The following MCC variants were observed in gnomAD, a reference collection of about 807,000 sequenced individuals.
The protein encoded by MCC is colorectal mutant cancer protein.
MCC carries 90 observed loss-of-function variants against 116.2 expected under a neutral mutation model. That is an observed-to-expected ratio of 0.77 (90% confidence interval 0.65 to 0.92). The LOEUF is 0.92. MCC is among the 40% of genes least tolerant of loss of function. MCC has a pLI of 0.00. For synonymous variants in MCC, 578 were observed against 510.5 expected (o/e 1.13, Z -1.78); for missense variants, 1,516 against 1,312.2 (o/e 1.16, Z -2.40).
At position 113,042,421 on chromosome 5, in the gene MCC, G is replaced by C. The variant is rs567768405; in HGVS notation, c.2756+1109C>G. 2.5e-3 allele frequency among the ~76,000 whole-genome samples: 350 copies of C among 142,292 alleles called. 1 individual carries two copies. Among genetic ancestry groups the C allele is most frequent in the Non-Finnish European group, 4.0e-3 (269 of 66,736 alleles). 93.3% of individuals were successfully genotyped at this position (142,292 alleles called of 152,430 possible). A position where few individuals can be genotyped will look rare whatever the true frequency, so the allele number is the denominator to read the frequency against. The stretch of plus-strand genomic sequence containing the variant: ...GCCCAGGAGATTGAGGCTGCAGTGA[G>C]CTGTGATTGTGTCACTGCACTCCAG... On this transcript the variant is annotated intron_variant, in intron 17 of 18. Coordinates refer to ENST00000408903, the MANE Select transcript of MCC (RefSeq NM_001085377.2).
chr5:113,252,872 A>C (rs980842190), intron 3 of MCC, among the ~76,000 whole-genome samples: 5 of 152,248 alleles, frequency 3.3e-5, no homozygotes, highest in African/African-American at 1.2e-4. Flanking sequence ...TGTATATGTC[A>C]TAACCTCTCT....
At chr5:113,330,382 C>G (rs1283677543) in intron 3 of MCC, among the ~76,000 whole-genome samples, 1 of 152,080 alleles carries the variant, frequency 6.6e-6, no homozygotes, top group African/African-American at 2.4e-5. Context: ...TACCTTTTTT[C>G]TCCCTCATTC....
At chr5:113,439,877 T>G (rs1472200411) in intron 1 of MCC, among the ~76,000 whole-genome samples, 1 of 152,194 alleles carries the variant, frequency 6.6e-6, no homozygotes, top group Non-Finnish European at 1.5e-5. Flanking sequence ...TTTTATTTTA[T>G]TTTTACAGAC....
chr5:113,354,628 T>G (rs1768365013), intron 2 of MCC, among the ~76,000 whole-genome samples: 1 of 151,798 alleles, frequency 6.6e-6, no homozygotes, highest in Middle Eastern at 3.4e-3. Flanking sequence ...AGAGACGGGG[T>G]TTCACCATGT....
At chr5:113,458,942 T>C (rs551173009) in intron 1 of MCC, among the ~76,000 whole-genome samples, 1 of 152,160 alleles carries the variant, frequency 6.6e-6, no homozygotes, top group East Asian at 1.9e-4. Context: ...CTCAGCAAAG[T>C]GGAACTGATA....
intron 3 of MCC, among the ~76,000 whole-genome samples, chr5:113,213,828 T>G (rs1181922635): frequency 2.0e-5 from 3 of 152,196 alleles, no homozygotes; most frequent in Non-Finnish European, 4.4e-5. Flanking sequence ...AATTCTGTAA[T>G]TCACTTACCC....
chr5:113,068,017 C>A lies in MCC; in HGVS notation c.2029+63G>T, dbSNP rs545071166. ...GATGATTCAATGCCAGTTGCTGAGA[C>A]AGGGGCAGAAGCAAAGGAGGCAGGG... On this transcript the variant is annotated intron_variant, in intron 13 of 18. Transcript: ENST00000408903. The A allele has an allele frequency of 4.2e-6, 6 of 1,415,432 alleles. No individual in the cohort carries two copies. The African/African-American group carries it at 5.6e-5, about 13-fold the overall frequency. 87.7% of individuals were successfully genotyped at this position (1,415,432 alleles called of 1,614,324 possible). A position where few individuals can be genotyped will look rare whatever the true frequency, so the allele number is the denominator to read the frequency against.
At chr5:113,348,423 C>G (rs1335533794) in intron 2 of MCC, among the ~76,000 whole-genome samples, 1 of 151,930 alleles carries the variant, frequency 6.6e-6, no homozygotes, top group African/African-American at 2.4e-5. Flanking sequence ...TTTTGAAAAT[C>G]GTACAAACAC....
chr5:113,229,070 G>A (rs1763849200), intron 3 of MCC, among the ~76,000 whole-genome samples: 2 of 152,220 alleles, frequency 1.3e-5, no homozygotes, highest in African/African-American at 4.8e-5. Context: ...TGGGCTGGCA[G>A]TATGGACTTA....
At chr5:113,418,957 G>A (rs974740431) in intron 1 of MCC, among the ~76,000 whole-genome samples, 15 of 152,188 alleles carry the variant, frequency 9.9e-5, no homozygotes, top group African/African-American at 3.4e-4. Flanking sequence ...AGAGGGATGC[G>A]TACTTGCAGG....
At chr5:113,075,688 G>A (rs767775398) in intron 11 of MCC, among the ~76,000 whole-genome samples, 40 of 152,302 alleles carry the variant, frequency 2.6e-4, no homozygotes, top group Non-Finnish European at 5.0e-4. Context: ...CAGGATGTGG[G>A]TGGGACGAGA....
In MCC at chr5:113,298,842, C is replaced by T. The variant is rs138078682; in HGVS notation, c.627+41677G>A. 4.7e-3 allele frequency among the ~76,000 whole-genome samples: 716 copies of T among 152,158 alleles called. 3 individuals carry two copies. The highest frequency in any genetic ancestry group is 6.2e-3 in the Non-Finnish European group (421 of 68,014). ...CCTCTTTGTAATTGTGAAGGGGAAA[C>T]GAAGACTAATGATAATTTGTAATCA... On this transcript the variant is annotated intron_variant, in intron 3 of 18. Coordinates refer to ENST00000408903, the MANE Select transcript of MCC (RefSeq NM_001085377.2).
intron 3 of MCC, among the ~76,000 whole-genome samples, chr5:113,329,090 C>T (rs1188987384): frequency 1.3e-5 from 2 of 152,114 alleles, no homozygotes; most frequent in African/African-American, 2.4e-5. Flanking sequence ...AAATTTCTCA[C>T]GGGTAAATGG....
intron 3 of MCC, among the ~76,000 whole-genome samples, chr5:113,197,729 A>G (rs1486130608): frequency 6.6e-6 from 1 of 152,226 alleles, no homozygotes; most frequent in African/African-American, 2.4e-5. Flanking sequence ...ACATGGGTGA[A>G]TTACTATCCT....
chr5:113,293,103 G>A (rs936299931), intron 3 of MCC, among the ~76,000 whole-genome samples: 1 of 152,098 alleles, frequency 6.6e-6, no homozygotes, highest in Non-Finnish European at 1.5e-5. Context: ...ACCGGAGCAG[G>A]AACAGCACAG....
intron 8 of MCC, among the ~76,000 whole-genome samples, chr5:113,100,693 G>C (rs1451263232): frequency 1.3e-5 from 2 of 152,022 alleles, no homozygotes; most frequent in Non-Finnish European, 2.9e-5. Context: ...GGCTGGTCTT[G>C]AACTCCTGAC....
At chr5:113,352,928 A>G (rs577532689) in intron 2 of MCC, among the ~76,000 whole-genome samples, 1 of 152,310 alleles carries the variant, frequency 6.6e-6, no homozygotes, top group African/African-American at 2.4e-5. Flanking sequence ...TAATTTTAAT[A>G]TGATTTGGGT....
intron 17 of MCC, among the ~76,000 whole-genome samples, chr5:113,036,736 C>A (rs1474205755): frequency 6.6e-6 from 1 of 152,200 alleles, no homozygotes; most frequent in Non-Finnish European, 1.5e-5. Flanking sequence ...TATGAGGTCC[C>A]AGGCAAGGCC....
chr5:113,085,258 C>T lies in MCC; in HGVS notation c.1451G>A (p.Ser484Asn). ...LQSVQATGPS[S>N]PGRLTSTNRP... is the part of the protein sequence containing the mutation. Reference sequence around the variant, plus strand: ...GTTGGTGGAAGTGAGGCGGCCAGGGCTGGAGGGACCTGTGGCCTGCACGCT... The same window carrying T: ...GTTGGTGGAAGTGAGGCGGCCAGGGTTGGAGGGACCTGTGGCCTGCACGCT... Residue 484 changes from serine (S) to asparagine (N), a missense_variant, in exon 9 of 19, where the codon AGC (serine) becomes AAC (asparagine). Coordinates refer to ENST00000408903, the MANE Select transcript of MCC (RefSeq NM_001085377.2). The T allele has an allele frequency of 1.2e-6, 2 of 1,614,172 alleles. No individual in the cohort carries two copies. The highest frequency in any genetic ancestry group is 1.1e-5 in the South Asian group (1 of 91,086).
Sources: allele counts gnomAD v4.1 joint callset (sites outside exome capture counted in the v4.1 genomes callset), GRCh38; gene constraint gnomAD v4.1.1; transcripts MANE v1.5; gene names NCBI Gene and HGNC (gene_info 2026-07-23, HGNC 2026-07-21).